GPHN: variants seen among roughly 807,000 people sequenced by gnomAD.
GPHN encodes gephyrin.
GPHN carries 17 observed loss-of-function variants against 95.5 expected under a neutral mutation model. The ratio of observed to expected loss-of-function variants is 0.18; its 90% CI spans 0.12 to 0.27. The LOEUF (loss-of-function observed/expected upper bound fraction) is 0.27, where lower values mean the gene tolerates loss of function less well. Among genes scored for constraint, GPHN ranks in the 10% least tolerant of loss-of-function variants. The pLI, the probability that GPHN is intolerant of heterozygous loss-of-function variation, is 1.00. For synonymous variants in GPHN, 320 were observed against 322.5 expected, an observed-to-expected ratio of 0.99 and a Z score of 0.08; for missense variants, 660 against 978.1, an observed-to-expected ratio of 0.67 and a Z score of 4.34.
the GPHN span, among the ~76,000 whole-genome samples, chr14:67,438,706 A>T: frequency 2.0e-5 from 3 of 151,936 alleles, no homozygotes; most frequent in Non-Finnish European, 2.9e-5. Flanking sequence ...ACTAAAAATT[A>T]AAAAAGTAGC....
Position 66,922,113 on chromosome 14 carries a change from A to T in GPHN, c.457-553A>T, listed in dbSNP as rs570571215. On this transcript the variant is annotated intron_variant, in intron 6 of 22. Coordinates refer to ENST00000478722, the MANE Select transcript of GPHN (RefSeq NM_020806.5). ...GACCTAAAACTATAAAAATTATAGA[A>T]GATAACATTGGAAAAACCCTTCTAG... Among the ~76,000 whole-genome samples, 48 of 152,276 alleles carry T rather than the reference A, an allele frequency of 3.2e-4. No homozygotes were observed. The South Asian group carries it at 9.9e-3, about 32-fold the overall frequency.
the GPHN span, among the ~76,000 whole-genome samples, chr14:67,233,333 G>A: frequency 6.6e-6 from 1 of 151,988 alleles, no homozygotes; most frequent in Non-Finnish European, 1.5e-5. Context: ...GTAGAGACAG[G>A]GTTTTACCAT....
chr14:66,547,834 C>T (rs1438759518), intron 1 of GPHN, among the ~76,000 whole-genome samples: 2 of 152,148 alleles, frequency 1.3e-5, no homozygotes, highest in Non-Finnish European at 2.9e-5. Flanking sequence ...TCCTGATAAC[C>T]TTTCACAGGG....
chr14:66,589,257 C>T (rs557161144), intron 1 of GPHN, among the ~76,000 whole-genome samples: 52 of 152,174 alleles, frequency 3.4e-4, no homozygotes, highest in African/African-American at 1.2e-3. Context: ...AAGAAAAAAC[C>T]GGTACCAGCC....
the GPHN span, among the ~76,000 whole-genome samples, chr14:67,455,091 C>A: frequency 1.3e-5 from 2 of 152,210 alleles, no homozygotes; most frequent in Non-Finnish European, 2.9e-5. Context: ...CTCAACTGAT[C>A]CACCCGCCTT....
chr14:67,549,242 T>C, the GPHN span, among the ~76,000 whole-genome samples: 9 of 152,014 alleles, frequency 5.9e-5, no homozygotes, highest in African/African-American at 2.2e-4. Flanking sequence ...GGGGTGTGTG[T>C]GCGTGTGTGT....
At chr14:67,217,594 A>G in the GPHN span, among the ~76,000 whole-genome samples, 154 of 152,102 alleles carry the variant, frequency 1.0e-3, no homozygotes, top group African/African-American at 3.6e-3. Context: ...AGTGAGTTTT[A>G]TAGTTTTGCA....
At chr14:66,567,819 G>T (rs2140332681) in intron 1 of GPHN, among the ~76,000 whole-genome samples, 2 of 152,120 alleles carry the variant, frequency 1.3e-5, no homozygotes, top group South Asian at 4.2e-4. Context: ...TGTTAACTAG[G>T]TGTTTTTTTG....
intron 1 of GPHN, among the ~76,000 whole-genome samples, chr14:66,531,634 A>G (rs1342658535): frequency 5.9e-5 from 9 of 152,190 alleles, no homozygotes; most frequent in Non-Finnish European, 2.9e-5. Context: ...TTTTCTGTCT[A>G]TGAGTGATAT....
At chr14:67,056,653 C>G (rs2075584101) in intron 10 of GPHN, among the ~76,000 whole-genome samples, 1 of 152,250 alleles carries the variant, frequency 6.6e-6, no homozygotes, top group African/African-American at 2.4e-5. Context: ...CTCAGGAGCC[C>G]AGCTGGCTTC....
At chr14:67,349,133 G>C in the GPHN span, 1 of 1,604,368 alleles carries the variant, frequency 6.2e-7, no homozygotes, top group Non-Finnish European at 8.5e-7. Context: ...ACTTTATTTA[G>C]CAGACTCTTC....
At chr14:66,941,238 C>G (rs1400323324) in intron 8 of GPHN, among the ~76,000 whole-genome samples, 1 of 142,514 alleles carries the variant, frequency 7.0e-6, no homozygotes. Context: ...ATTTCTCTCT[C>G]TCCAGTCCTT....
At chr14:67,190,334 G>A in the GPHN span, among the ~76,000 whole-genome samples, 4 of 148,736 alleles carry the variant, frequency 2.7e-5, no homozygotes, top group Admixed American at 6.7e-5. Context: ...AGCCATTCTC[G>A]TGCCTCAGCC....
At position 66,532,583 on chromosome 14, in the gene GPHN, C is replaced by T. The variant is rs566763954; in HGVS notation, c.64+23992C>T. ...GTTAATTGAGGATATTCAAACTATC[C>T]TCAGTATATCATGAGATTGTTTTGG... On this transcript the variant is annotated intron_variant, in intron 1 of 22. Coordinates refer to ENST00000478722, the MANE Select transcript of GPHN (RefSeq NM_020806.5). Among the ~76,000 whole-genome samples, 7 of 152,272 alleles carry T rather than the reference C, an allele frequency of 4.6e-5. No homozygotes were observed. The East Asian group carries it at 1.3e-3, about 29-fold the overall frequency.
chr14:67,270,485 C>T, the GPHN span: 2 of 151,678 alleles, frequency 1.3e-5, no homozygotes, highest in South Asian at 4.1e-4. Context: ...AGAATTAGGG[C>T]CAGTAACTGC....
At chr14:67,311,063 G>A in the GPHN span, among the ~76,000 whole-genome samples, 3 of 152,126 alleles carry the variant, frequency 2.0e-5, no homozygotes, top group African/African-American at 7.2e-5. Flanking sequence ...TGTAATCCCA[G>A]CACTTTGGGA....
At chr14:67,049,594 C>G (rs2075208197) in intron 10 of GPHN, among the ~76,000 whole-genome samples, 1 of 148,696 alleles carries the variant, frequency 6.7e-6, no homozygotes. Flanking sequence ...CTCACTGCAA[C>G]CTCCGCCTCC....
At chr14:67,336,774 T>G in the GPHN span, 1 of 455,968 alleles carries the variant, frequency 2.2e-6, no homozygotes, top group Non-Finnish European at 4.4e-6. Context: ...AGTTACCTAT[T>G]TTTAAAGTAC....
chr14:66,614,959 G>A (rs1342860871), intron 1 of GPHN, among the ~76,000 whole-genome samples: 1 of 152,028 alleles, frequency 6.6e-6, no homozygotes, highest in African/African-American at 2.4e-5. Context: ...GAGTGAGAAC[G>A]TGCAGTGTTT....
Sources: gnomAD v4.1 joint callset for allele counts (sites outside exome capture counted in the v4.1 genomes callset) on GRCh38, gnomAD v4.1.1 for gene constraint, MANE v1.5 for transcripts, NCBI Gene and HGNC (gene_info 2026-07-23, HGNC 2026-07-21) for gene names.